ZDHHC14: variants seen among roughly 807,000 people sequenced by gnomAD.
ZDHHC14 encodes zDHHC palmitoyltransferase 14.
In ZDHHC14, 16 loss-of-function variants were observed where a neutral mutation model predicts 47.7. The ratio of observed to expected loss-of-function variants is 0.34; its 90% CI spans 0.23 to 0.51. The LOEUF (loss-of-function observed/expected upper bound fraction) is 0.51, where lower values mean the gene tolerates loss of function less well. Among genes scored for constraint, ZDHHC14 ranks in the 20% least tolerant of loss-of-function variants. ZDHHC14 has a pLI of 0.97. For missense variants in ZDHHC14, 515 were observed against 662.5 expected, an observed-to-expected ratio of 0.78 and a Z score of 2.44; for synonymous variants, 293 against 278.9, an observed-to-expected ratio of 1.05 and a Z score of -0.50.
At position 157,444,190 on chromosome 6, in the gene ZDHHC14, T is replaced by C. The variant is rs554979753; in HGVS notation, c.245+61924T>C. 3.4e-4 allele frequency among the ~76,000 whole-genome samples: 52 copies of C among 152,348 alleles called. 1 individual carries two copies. In the South Asian group the frequency reaches 0.011, roughly 31 times the overall value. ...TATTATACAGCCTTCTGCAATATTA[T>C]TAGATGGTCTCTACACCCGCAATGA... is the stretch of plus-strand genomic sequence containing the variant. On this transcript the variant is annotated intron_variant, in intron 1 of 8. Coordinates refer to ENST00000359775, the MANE Select transcript of ZDHHC14 (RefSeq NM_024630.3).
chr6:157,670,191 C>T (rs1419235949), intron 8 of ZDHHC14, among the ~76,000 whole-genome samples: 1 of 152,222 alleles, frequency 6.6e-6, no homozygotes, highest in African/African-American at 2.4e-5. Flanking sequence ...TACTCTGTTG[C>T]CCACCTGACA....
intron 1 of ZDHHC14, among the ~76,000 whole-genome samples, chr6:157,447,402 C>T (rs1029393058): frequency 1.3e-5 from 2 of 152,194 alleles, no homozygotes; most frequent in African/African-American, 4.8e-5. Context: ...AGACCCTGAG[C>T]CCCTTACGGA....
intron 1 of ZDHHC14, among the ~76,000 whole-genome samples, chr6:157,490,378 G>A (rs1314228684): frequency 2.0e-5 from 3 of 152,128 alleles, no homozygotes; most frequent in Non-Finnish European, 2.9e-5. Context: ...TTCCACATAC[G>A]GATGCACACA....
At chr6:157,568,841 T>C (rs1294091099) in intron 2 of ZDHHC14, among the ~76,000 whole-genome samples, 4 of 152,068 alleles carry the variant, frequency 2.6e-5, no homozygotes, top group African/African-American at 9.7e-5. Flanking sequence ...AAATTGGGGG[T>C]TGGGGGCAAA....
chr6:157,504,196 T>A (rs1451884861), intron 1 of ZDHHC14, among the ~76,000 whole-genome samples: 3 of 148,452 alleles, frequency 2.0e-5, no homozygotes, highest in African/African-American at 5.1e-5. Flanking sequence ...ATATATATTT[T>A]TTTTTTGTTT....
chr6:157,567,298 C>T (rs1782939812), intron 2 of ZDHHC14, among the ~76,000 whole-genome samples: 1 of 152,072 alleles, frequency 6.6e-6, no homozygotes, highest in Non-Finnish European at 1.5e-5. Context: ...TGCAATGATT[C>T]CGGGAGCCCC....
chr6:157,668,041 C>T (rs1424837173), intron 8 of ZDHHC14, among the ~76,000 whole-genome samples: 1 of 152,182 alleles, frequency 6.6e-6, no homozygotes, highest in East Asian at 1.9e-4. Context: ...TGTGCCCCAA[C>T]TGAGATTTGC....
At chr6:157,489,034 G>A (rs552786620) in intron 1 of ZDHHC14, among the ~76,000 whole-genome samples, 2 of 152,136 alleles carry the variant, frequency 1.3e-5, no homozygotes, top group Non-Finnish European at 2.9e-5. Context: ...TTACTGTAGC[G>A]GCTTTATGGT....
chr6:157,560,731 G>C (rs1782676224), intron 2 of ZDHHC14, among the ~76,000 whole-genome samples: 1 of 152,216 alleles, frequency 6.6e-6, no homozygotes, highest in Admixed American at 6.5e-5. Flanking sequence ...TTATTAAGCA[G>C]TACTTCTTAC....
intron 1 of ZDHHC14, among the ~76,000 whole-genome samples, chr6:157,394,304 G>A (rs1267377241): frequency 6.6e-6 from 1 of 152,220 alleles, no homozygotes; most frequent in Non-Finnish European, 1.5e-5. Context: ...AAAAGGTGGA[G>A]TCTGATTCCT....
intron 7 of ZDHHC14, among the ~76,000 whole-genome samples, chr6:157,648,758 G>A (rs1413330460): frequency 2.0e-5 from 3 of 152,184 alleles, no homozygotes; most frequent in African/African-American, 4.8e-5. Flanking sequence ...ATCCTTCTGG[G>A]AGCTCTTTAA....
At chr6:157,525,158 T>A (rs184307844) in intron 1 of ZDHHC14, among the ~76,000 whole-genome samples, 70 of 151,872 alleles carry the variant, frequency 4.6e-4, no homozygotes, top group Middle Eastern at 3.4e-3. Flanking sequence ...TGGGATTTTG[T>A]TTTTTGTTTT....
At chr6:157,460,225 A>AG (rs1779043416) in intron 1 of ZDHHC14, among the ~76,000 whole-genome samples, 1 of 150,106 alleles carries the variant, frequency 6.7e-6, no homozygotes, top group Non-Finnish European at 1.5e-5. Context: ...AAAACAAAAA[A>AG]CAAAACAAAA....
intron 2 of ZDHHC14, among the ~76,000 whole-genome samples, chr6:157,548,796 C>T (rs1020127957): frequency 2.0e-5 from 3 of 152,218 alleles, no homozygotes; most frequent in Non-Finnish European, 4.4e-5. Context: ...AGCCTTTGGG[C>T]TTCCTCCTTC....
chr6:157,548,699 G>A (rs1005713699), intron 2 of ZDHHC14, among the ~76,000 whole-genome samples: 5 of 150,958 alleles, frequency 3.3e-5, no homozygotes, highest in African/African-American at 5.0e-5. Flanking sequence ...GCCCGCCTGG[G>A]CCTCCCAAAG....
intron 3 of ZDHHC14, among the ~76,000 whole-genome samples, chr6:157,612,968 A>G (rs142593691): frequency 1.1e-4 from 17 of 152,126 alleles, no homozygotes; most frequent in African/African-American, 3.9e-4. Flanking sequence ...TCACCCTCAA[A>G]CCTACCAGAA....
intron 1 of ZDHHC14, among the ~76,000 whole-genome samples, chr6:157,407,147 G>A (rs1777781159): frequency 1.3e-5 from 2 of 152,142 alleles, no homozygotes; most frequent in South Asian, 4.2e-4. Flanking sequence ...GCTCAAAGAG[G>A]GTGGGTGACC....
chr6:157,657,617 C>T (rs1376187115), intron 8 of ZDHHC14, among the ~76,000 whole-genome samples: 1 of 152,142 alleles, frequency 6.6e-6, no homozygotes, highest in Non-Finnish European at 1.5e-5. Flanking sequence ...CAGTGAGTAC[C>T]ATGGTCTACC....
chr6:157,517,873 A>G (rs1430430215), intron 1 of ZDHHC14, among the ~76,000 whole-genome samples: 1 of 152,324 alleles, frequency 6.6e-6, no homozygotes, highest in East Asian at 1.9e-4. Context: ...AGGGTTTTTA[A>G]AAGTGTCGCT....
Sources: gnomAD v4.1 joint callset for allele counts (sites outside exome capture counted in the v4.1 genomes callset) on GRCh38, gnomAD v4.1.1 for gene constraint, MANE v1.5 for transcripts, NCBI Gene and HGNC (gene_info 2026-07-23, HGNC 2026-07-21) for gene names.